Variants in HCN1 observed in about 807,000 individuals in gnomAD.
The protein encoded by HCN1 is hyperpolarization activated cyclic nucleotide gated potassium channel 1, also known as potassium/sodium hyperpolarization-activated cyclic nucleotide-gated channel 1.
In HCN1, 13 loss-of-function variants were observed where a neutral mutation model predicts 78.9. The observed-to-expected ratio is 0.16, with a 90% confidence interval of 0.11 to 0.26. HCN1 has a LOEUF of 0.26. Ranked by LOEUF, HCN1 falls within the 10% of genes least tolerant of loss-of-function variation. The pLI, the probability that HCN1 is intolerant of heterozygous loss-of-function variation, is 1.00. For missense variants in HCN1, 810 were observed against 1,154.3 expected (o/e 0.70, Z 4.32); for synonymous variants, 552 against 455.5 (o/e 1.21, Z -2.70).
rs1469762856 is a variant in HCN1, at chr5:45,255,740, T to C, written c.*6181A>G. 6.6e-6 allele frequency: 1 copy of C among 152,248 alleles called. No individual in the cohort carries two copies. Among genetic ancestry groups the C allele is most frequent in the African/African-American group, 2.4e-5 (1 of 41,468 alleles). The allele number at this position is 152,248 out of a possible 1,614,324, so 9.4% of individuals were successfully genotyped here. On this transcript the variant is annotated 3_prime_UTR_variant, in exon 8 of 8. Coordinates refer to ENST00000303230, the MANE Select transcript of HCN1 (RefSeq NM_021072.4). ...TCTTTCAAATTTCTTTGGGTTATGT[T>C]CTTTCTTCCTTCAAAAGTAAATCTT...
At chr5:45,420,247 G>A (rs1020486171) in intron 3 of HCN1, among the ~76,000 whole-genome samples, 1 of 151,988 alleles carries the variant, frequency 6.6e-6, no homozygotes, top group African/African-American at 2.4e-5. Flanking sequence ...GCATCCTGTG[G>A]CACACTACTG....
intron 3 of HCN1, among the ~76,000 whole-genome samples, chr5:45,408,216 GTGTTT>G (rs889557787): frequency 7.2e-5 from 11 of 152,184 alleles, no homozygotes; most frequent in African/African-American, 2.2e-4. Context: ...TAAGTATACA[GTGTTT>G]ATAAAGTCTA....
intron 2 of HCN1, among the ~76,000 whole-genome samples, chr5:45,606,185 A>G (rs1451260927): frequency 4.6e-5 from 7 of 151,976 alleles, no homozygotes; most frequent in Non-Finnish European, 1.5e-5. Flanking sequence ...ACCTTAAAAC[A>G]TTTTCCTTTG....
At chr5:45,522,557 A>G (rs1742636726) in intron 2 of HCN1, among the ~76,000 whole-genome samples, 1 of 151,906 alleles carries the variant, frequency 6.6e-6, no homozygotes, top group Non-Finnish European at 1.5e-5. Flanking sequence ...TTTACCCAAA[A>G]GATACTCTGA....
In HCN1 at chr5:45,527,055, TTC is replaced by T. The variant is rs142451723; in HGVS notation, c.850-65050_850-65049del. On this transcript the variant is annotated intron_variant, in intron 2 of 7. Coordinates refer to ENST00000303230, the MANE Select transcript of HCN1 (RefSeq NM_021072.4). ...CATTCTCTCTCTCTTTTCTCCCTCT[TTC>T]TCTCTCTCTCTCTCTCTGTCTCTCT... Among the ~76,000 whole-genome samples, 216 of 128,170 alleles carry T rather than the reference TTC, an allele frequency of 1.7e-3. 2 individuals are homozygous for T. The highest frequency in any genetic ancestry group is 1.5e-3 in the Non-Finnish European group (87 of 59,336). The allele number at this position is 128,170 out of a possible 152,430, so 84.1% of individuals were successfully genotyped here.
At chr5:45,594,248 C>T (rs563520686) in intron 2 of HCN1, among the ~76,000 whole-genome samples, 9 of 152,228 alleles carry the variant, frequency 5.9e-5, no homozygotes, top group African/African-American at 1.9e-4. Flanking sequence ...AATATTACAT[C>T]AAGGTATCAT....
chr5:45,315,090 A>T (rs1002328848), intron 5 of HCN1, among the ~76,000 whole-genome samples: 2 of 152,214 alleles, frequency 1.3e-5, no homozygotes, highest in Non-Finnish European at 2.9e-5. Context: ...GAACTCTCCA[A>T]CCCAAATCAA....
intron 2 of HCN1, among the ~76,000 whole-genome samples, chr5:45,535,348 A>C (rs1742943159): frequency 6.6e-6 from 1 of 152,200 alleles, no homozygotes; most frequent in African/African-American, 2.4e-5. Flanking sequence ...CTGTAATCCC[A>C]GCACTTTGGG....
chr5:45,385,461 T>G (rs1747891903), intron 4 of HCN1, among the ~76,000 whole-genome samples: 2 of 152,090 alleles, frequency 1.3e-5, no homozygotes, highest in African/African-American at 4.8e-5. Context: ...ATAATATTAC[T>G]GCCAAGAAGC....
chr5:45,359,454 C>A (rs1297422307), intron 4 of HCN1, among the ~76,000 whole-genome samples: 1 of 150,004 alleles, frequency 6.7e-6, no homozygotes, highest in Non-Finnish European at 1.5e-5. Flanking sequence ...TATAATATCT[C>A]AAGATAATTT....
chr5:45,464,075 T>G (rs1019623041), intron 2 of HCN1, among the ~76,000 whole-genome samples: 1 of 152,116 alleles, frequency 6.6e-6, no homozygotes, highest in African/African-American at 2.4e-5. Flanking sequence ...TAGATCTGAC[T>G]GGGTTTTTCT....
intron 4 of HCN1, among the ~76,000 whole-genome samples, chr5:45,369,794 T>TA (rs978943340): frequency 6.6e-6 from 1 of 152,120 alleles, no homozygotes; most frequent in African/African-American, 2.4e-5. Flanking sequence ...ATTATTGACT[T>TA]AATTGATTAT....
At chr5:45,589,520 T>C (rs746121343) in intron 2 of HCN1, among the ~76,000 whole-genome samples, 3 of 152,134 alleles carry the variant, frequency 2.0e-5, no homozygotes, top group Non-Finnish European at 4.4e-5. Context: ...ATGAAAGAGG[T>C]ACAGGAAATT....
chr5:45,443,361 T>C (rs1169489865), intron 3 of HCN1, among the ~76,000 whole-genome samples: 1 of 152,064 alleles, frequency 6.6e-6, no homozygotes, highest in East Asian at 1.9e-4. Flanking sequence ...AATGAAAAAA[T>C]ACATTATCTA....
chr5:45,542,265 A>G (rs1743120501), intron 2 of HCN1, among the ~76,000 whole-genome samples: 1 of 152,190 alleles, frequency 6.6e-6, no homozygotes, highest in Non-Finnish European at 1.5e-5. Context: ...GCAATAAAAT[A>G]TAGTTTTATT....
rs936747176 is a variant in HCN1 at position 45,686,725 on chromosome 5, G to T, written c.425+8944C>A. ...AATATATTGTTCCAAATGATCTCTG[G>T]AACACCTAGTAACATTATTTATCAA... On this transcript the variant is annotated intron_variant, in intron 1 of 7. Transcript: ENST00000303230. 2.0e-5 allele frequency among the ~76,000 whole-genome samples: 3 copies of T among 152,124 alleles called. No individual in the cohort carries two copies. The East Asian group carries it at 5.8e-4, about 29-fold the overall frequency.
At chr5:45,654,106 A>T (rs183325861) in intron 1 of HCN1, among the ~76,000 whole-genome samples, 1 of 152,188 alleles carries the variant, frequency 6.6e-6, no homozygotes, top group East Asian at 1.9e-4. Flanking sequence ...ATATTGCATC[A>T]TTCAAAATCA....
intron 7 of HCN1, among the ~76,000 whole-genome samples, chr5:45,266,261 G>A (rs993898727): frequency 5.3e-5 from 8 of 151,902 alleles, no homozygotes; most frequent in Admixed American, 3.9e-4. Context: ...ATGTTTGCGA[G>A]GTAAAGCATC....
intron 4 of HCN1, among the ~76,000 whole-genome samples, chr5:45,363,741 C>T (rs1032771139): frequency 4.0e-5 from 6 of 151,898 alleles, no homozygotes; most frequent in Admixed American, 6.6e-5. Context: ...CGAGATCTGA[C>T]GGGTTTATCA....
Sources: allele counts gnomAD v4.1 joint callset (sites outside exome capture counted in the v4.1 genomes callset), GRCh38; gene constraint gnomAD v4.1.1; transcripts MANE v1.5; gene names NCBI Gene and HGNC (gene_info 2026-07-23, HGNC 2026-07-21).